The following VPS13B variants were observed in gnomAD, a reference collection of about 807,000 sequenced individuals.
VPS13B encodes the protein vacuolar protein sorting 13 homolog B.
A neutral mutation model predicts 426.4 loss-of-function variants in VPS13B; 285 were observed. The ratio of observed to expected loss-of-function variants is 0.67; its 90% CI spans 0.61 to 0.74. VPS13B has a LOEUF of 0.74. Among genes scored for constraint, VPS13B ranks in the 30% least tolerant of loss-of-function variants. The probability of loss-of-function intolerance (pLI) is 0.00; values close to 1 mark genes in which losing one functional copy is unlikely to be tolerated. For synonymous variants in VPS13B, 1,676 were observed against 1,676.4 expected (o/e 1.00, Z 0.01); for missense variants, 4,537 against 4,782.6 (o/e 0.95, Z 1.51).
intron 40 of VPS13B, among the ~76,000 whole-genome samples, chr8:99,770,537 G>A (rs749315377): frequency 6.6e-6 from 1 of 152,106 alleles, no homozygotes; most frequent in Non-Finnish European, 1.5e-5. Flanking sequence ...AGGAACCCTG[G>A]GAAACTGTCC....
At chr8:99,414,244 T>TTC (rs977807109) in intron 21 of VPS13B, among the ~76,000 whole-genome samples, 1 of 151,768 alleles carries the variant, frequency 6.6e-6, no homozygotes, top group Admixed American at 6.6e-5. Context: ...CCCTGCTTTT[T>TTC]TTTTTTTTTT....
chr8:99,119,665 G>T (rs1010794332), intron 7 of VPS13B, among the ~76,000 whole-genome samples: 1 of 152,098 alleles, frequency 6.6e-6, no homozygotes, highest in African/African-American at 2.4e-5. Context: ...TTCCTTCTCA[G>T]GTGAAAGAAG....
chr8:99,749,432 A>T (rs1477286094), intron 39 of VPS13B, among the ~76,000 whole-genome samples: 1 of 151,694 alleles, frequency 6.6e-6, no homozygotes, highest in African/African-American at 2.4e-5. Flanking sequence ...TCTATTCTTT[A>T]TCTCCATGAG....
At chr8:99,026,581 T>C (rs1334507196) in intron 2 of VPS13B, among the ~76,000 whole-genome samples, 1 of 152,234 alleles carries the variant, frequency 6.6e-6, no homozygotes, top group Non-Finnish European at 1.5e-5. Context: ...AGTCTATCTC[T>C]CTCTTTAGAT....
intron 33 of VPS13B, among the ~76,000 whole-genome samples, chr8:99,628,508 A>G (rs1043590741): frequency 6.6e-6 from 1 of 152,152 alleles, no homozygotes; most frequent in African/African-American, 2.4e-5. Flanking sequence ...CAAAACAAAT[A>G]TTTATGAAGC....
chr8:99,854,084 C>A lies in VPS13B; in HGVS notation c.10695C>A (p.Ile3565=). The A allele has an allele frequency of 6.2e-7, 1 of 1,613,186 alleles. No homozygotes were observed. The highest frequency in any genetic ancestry group is 1.1e-5 in the South Asian group (1 of 91,052). The change falls in exon 56 of 62, where the codon ATC becomes ATA. Residue 3565 remains isoleucine (I), a synonymous_variant. Coordinates refer to ENST00000357162, the MANE Select transcript of VPS13B (RefSeq NM_152564.5). ...CTGTGAAGTTACGGAAACTGGTGAT[C>A]CAGCCAGTAAATTTGCTCGTCAGCA... ...VNPVKLRKLV[I]QPVNLLVSIH... is the part of the protein sequence containing the mutation.
At chr8:99,686,955 A>T (rs1226134806) in intron 35 of VPS13B, among the ~76,000 whole-genome samples, 1 of 151,926 alleles carries the variant, frequency 6.6e-6, no homozygotes. Context: ...CACAGCTGGG[A>T]ATGTGCTGGG....
chr8:99,317,090 G>C (rs1050338702), intron 19 of VPS13B, among the ~76,000 whole-genome samples: 2 of 152,232 alleles, frequency 1.3e-5, no homozygotes, highest in Middle Eastern at 6.8e-3. Context: ...ATCTTTTGTG[G>C]CTCAAAGTTA....
chr8:99,635,224 T>G (rs745661627), intron 33 of VPS13B, among the ~76,000 whole-genome samples: 7 of 152,010 alleles, frequency 4.6e-5, no homozygotes, highest in Non-Finnish European at 1.0e-4. Context: ...TGTTAACTTT[T>G]TGGAAAATAC....
chr8:99,577,543 C>T lies in VPS13B; in HGVS notation c.5130C>T (p.Asp1710=), dbSNP rs572732952. 6.2e-7 allele frequency: 1 copy of T among 1,613,884 alleles called. No homozygotes were observed. The highest frequency in any genetic ancestry group is 2.2e-5 in the East Asian group (1 of 44,842). ...SLEVNITTNL[D]FFLSVAQVQL... ...AAGTGAATATAACCACAAACCTGGA[C>T]TTCTTCCTAAGTGTGGCTCAAGTTC... The change falls in exon 33 of 62, where the codon GAC becomes GAT. Residue 1710 remains aspartate (D), a synonymous_variant. Coordinates refer to ENST00000357162, the MANE Select transcript of VPS13B (RefSeq NM_152564.5).
chr8:99,108,562 C>T (rs1015451838), intron 5 of VPS13B, among the ~76,000 whole-genome samples: 1 of 151,900 alleles, frequency 6.6e-6, no homozygotes. Context: ...TTTTCTTGGC[C>T]CCTATATAGA....
intron 24 of VPS13B, among the ~76,000 whole-genome samples, chr8:99,468,449 TA>T (rs1234490140): frequency 6.6e-6 from 1 of 151,854 alleles, no homozygotes; most frequent in African/African-American, 2.4e-5. Flanking sequence ...ATATTATTTT[TA>T]AAAAGAAATA....
At chr8:99,517,402 C>T (rs1245461603) in intron 29 of VPS13B, among the ~76,000 whole-genome samples, 1 of 152,096 alleles carries the variant, frequency 6.6e-6, no homozygotes, top group African/African-American at 2.4e-5. Context: ...TCTGTACACA[C>T]ACGTATACAC....
rs370235149 is a variant in VPS13B, at chr8:99,832,341, ATTTTTTTTTTTT to A, written c.9331-14_9331-3del. On this transcript the variant is annotated splice_polypyrimidine_tract_variant and intron_variant, in intron 51 of 61. Transcript: ENST00000357162. ...TTACTGTAGCTAATGTGCTCTCTGC[ATTTTTTTTTTTT>A]TTTTTTTTTTTTTAGTATTTTCGTG... 14 of 1,195,376 alleles carry A rather than the reference ATTTTTTTTTTTT, an allele frequency of 1.2e-5. No individual in the cohort carries two copies. The highest frequency in any genetic ancestry group is 6.5e-5 in the African/African-American group (3 of 45,920). 74.0% of individuals were successfully genotyped at this position (1,195,376 alleles called of 1,614,324 possible).
intron 3 of VPS13B, among the ~76,000 whole-genome samples, chr8:99,085,765 T>G (rs1845744312): frequency 6.6e-6 from 1 of 152,206 alleles, no homozygotes; most frequent in Admixed American, 6.5e-5. Context: ...TTTAAGAACG[T>G]TGAATATTGG....
At chr8:99,041,859 A>C (rs917526213) in intron 3 of VPS13B, among the ~76,000 whole-genome samples, 2 of 151,900 alleles carry the variant, frequency 1.3e-5, no homozygotes, top group African/African-American at 4.8e-5. Flanking sequence ...TCTCCAAAAA[A>C]AAAAAAAAAA....
chr8:99,778,231 C>CAAAAA (rs377457529), intron 41 of VPS13B, among the ~76,000 whole-genome samples: 122 of 94,482 alleles, frequency 1.3e-3, no homozygotes, highest in African/African-American at 4.0e-3. Context: ...GACTCCATCT[C>CAAAAA]AAAAAAAAAA....
intron 17 of VPS13B, chr8:99,209,692 C>G (rs764054695): frequency 2.9e-5 from 29 of 992,168 alleles, no homozygotes; most frequent in Non-Finnish European, 3.3e-5. Flanking sequence ...GAGGCCCAAG[C>G]CACTGTGCCT....
intron 17 of VPS13B, among the ~76,000 whole-genome samples, chr8:99,226,084 A>G (rs1815999080): frequency 6.6e-6 from 1 of 152,104 alleles, no homozygotes; most frequent in Non-Finnish European, 1.5e-5. Flanking sequence ...AGTTGGGACT[A>G]CAGGTGCCCG....
Sources: allele counts gnomAD v4.1 joint callset (sites outside exome capture counted in the v4.1 genomes callset), GRCh38; gene constraint gnomAD v4.1.1; transcripts MANE v1.5; gene names NCBI Gene and HGNC (gene_info 2026-07-23, HGNC 2026-07-21).